FBXO17: variants seen among roughly 807,000 people sequenced by gnomAD.
FBXO17 encodes F-box only protein 17.
A neutral mutation model predicts 34.1 loss-of-function variants in FBXO17; 43 were observed. The ratio of observed to expected loss-of-function variants is 1.26; its 90% CI spans 0.99 to 1.62. FBXO17 has a LOEUF of 1.62. Ranked by LOEUF, FBXO17 falls within the 40% of genes most tolerant of loss-of-function variation. The pLI is 0.00. For missense variants in FBXO17, 424 were observed against 386.7 expected (o/e 1.10, Z -0.81); for synonymous variants, 169 against 166.0 (o/e 1.02, Z -0.14).
rs1339265266 is a variant in FBXO17, at chr19:38,950,121, G to T, written c.199C>A (p.Arg67Ser). 1 of 1,561,308 alleles carries T rather than the reference G, an allele frequency of 6.4e-7. No homozygotes were observed. Among genetic ancestry groups the T allele is most frequent in the Non-Finnish European group, 8.6e-7 (1 of 1,156,772 alleles). Residue 67 changes from arginine (R) to serine (S), a missense_variant, in exon 2 of 6, where the codon CGC (arginine) becomes AGC (serine). Physicochemically the swap from Arg to Ser is moderately radical, Grantham distance 110. Transcript: ENST00000292852. ...TAGAGTGCGCGGCCCTCGGCGCTGC[G>T]GTCGCGGGCCAGCTGCAGCAGCCAC... ...TVWLLQLARD[R>S]SAEGRALYAV...
At chr19:38,965,561 C>T (rs1975309094) in intron 1 of FBXO17, among the ~76,000 whole-genome samples, 2 of 152,012 alleles carry the variant, frequency 1.3e-5, no homozygotes, top group African/African-American at 4.8e-5. Flanking sequence ...GGCTGGAGTG[C>T]AACAGAATGA....
chr19:38,944,321 G>A (rs1178204022), intron 5 of FBXO17, among the ~76,000 whole-genome samples: 1 of 151,150 alleles, frequency 6.6e-6, no homozygotes, highest in Non-Finnish European at 1.5e-5. Flanking sequence ...TGGCTGGAGT[G>A]CAGTGGGACC....
chr19:38,945,254 G>A, intron 4 of FBXO17, 150 bp from the exon 5 acceptor site: 1 of 1,050,426 alleles, frequency 9.5e-7, no homozygotes, highest in East Asian at 2.6e-5. Flanking sequence ...ACCTCTAGGG[G>A]AGGAGCCTTG....
Position 38,942,492 on chromosome 19 carries a change from G to T in FBXO17, c.*116C>A. 8.8e-7 allele frequency: 1 copy of T among 1,141,736 alleles called. No homozygotes were observed. Among genetic ancestry groups the T allele is most frequent in the Non-Finnish European group, 1.2e-6 (1 of 852,264 alleles). 70.7% of individuals were successfully genotyped at this position (1,141,736 alleles called of 1,614,324 possible). A position where few individuals can be genotyped will look rare whatever the true frequency, so the allele number is the denominator to read the frequency against. On this transcript the variant is annotated 3_prime_UTR_variant, in exon 6 of 6. Transcript: ENST00000292852. The stretch of plus-strand genomic sequence containing the variant: ...GCCCAGGCTGGTCTTGAACTCCCGA[G>T]CTCCAGTGATCCTCCCACCTCGGCC...
At chr19:38,957,082 G>C (rs561053253) in intron 1 of FBXO17, among the ~76,000 whole-genome samples, 2 of 152,180 alleles carry the variant, frequency 1.3e-5, no homozygotes, top group East Asian at 3.9e-4. Flanking sequence ...ACCAAGCTGT[G>C]CTTTTCTCCA....
chr19:38,952,751 C>T, intron 1 of FBXO17: 1 of 466,018 alleles, frequency 2.1e-6, no homozygotes, highest in South Asian at 1.5e-5. Flanking sequence ...GTGACTTTTT[C>T]CTTCCCCAAC....
At chr19:38,962,198 A>T (rs1183460322) in intron 1 of FBXO17, among the ~76,000 whole-genome samples, 5 of 151,754 alleles carry the variant, frequency 3.3e-5, no homozygotes, top group South Asian at 2.1e-4. Flanking sequence ...CTCAAAAAAA[A>T]AAAATAAAAA....
chr19:38,949,943 C>T (rs777314325), intron 2 of FBXO17, 28 bp downstream of exon 2: 1 of 1,487,910 alleles, frequency 6.7e-7, no homozygotes, highest in Non-Finnish European at 8.9e-7. Context: ...CCCCCCTCAG[C>T]CTCCTGGGCC....
In FBXO17 at chr19:38,941,446, G is replaced by C. The variant is rs975435647; in HGVS notation, c.*1162C>G. 1.4e-4 allele frequency: 21 copies of C among 152,228 alleles called. No individual in the cohort carries two copies. Among genetic ancestry groups the C allele is most frequent in the East Asian group, 1.9e-4 (1 of 5,196 alleles). 9.4% of individuals were successfully genotyped at this position (152,228 alleles called of 1,614,324 possible). ...CAGGGGTCTCACGGCCTTCAGAGCT[G>C]AGAGCCTTGAACAGAGATTTACCCA... On this transcript the variant is annotated 3_prime_UTR_variant, in exon 6 of 6. Transcript: ENST00000292852.
chr19:38,970,997 G>A (rs1051511595), intron 1 of FBXO17, among the ~76,000 whole-genome samples: 5 of 151,674 alleles, frequency 3.3e-5, no homozygotes, highest in African/African-American at 1.2e-4. Flanking sequence ...TACTTGGGAG[G>A]CTGAGGCAGG....
chr19:38,946,535 A>C lies in FBXO17; in HGVS notation c.494T>G (p.Val165Gly). 2.5e-6 allele frequency: 4 copies of C among 1,613,936 alleles called. No individual in the cohort carries two copies. The highest frequency in any genetic ancestry group is 3.4e-6 in the Non-Finnish European group (4 of 1,179,914). The change falls in exon 4 of 6, where the codon GTG (valine) becomes GGG (glycine). Residue 165 changes from valine (V) to glycine (G), a missense_variant. Transcript: ENST00000292852. ...WCSKRQLVDL[V>G]MEGVWQELLD... ...CAGCTCCTGCCACACCCCTTCCATC[A>C]CCAGGTCCACAAGCTGCCTCTTGGA... is the stretch of plus-strand genomic sequence containing the variant.
intron 1 of FBXO17, among the ~76,000 whole-genome samples, chr19:38,951,812 G>A (rs1975088291): frequency 1.1e-5 from 1 of 87,614 alleles, no homozygotes; most frequent in South Asian, 3.8e-4. Flanking sequence ...ACCACACCTG[G>A]CTAATTTTTG....
At chr19:38,951,876 A>G (rs7245863) in intron 1 of FBXO17, among the ~76,000 whole-genome samples, 115,742 of 151,880 alleles carry the variant, frequency 0.76, 45,454 homozygotes, top group East Asian at 0.97. Flanking sequence ...CTCGAACTCC[A>G]GACCTCAGGT....
chr19:38,970,414 G>A (rs2144845332), intron 1 of FBXO17, among the ~76,000 whole-genome samples: 1 of 152,078 alleles, frequency 6.6e-6, no homozygotes, highest in South Asian at 2.1e-4. Context: ...CACCATGTTG[G>A]CCAGGCTGGT....
rs758784059 is a variant in FBXO17 at position 38,942,691 on chromosome 19, C to T, written c.754G>A (p.Gly252Arg). 29 of 1,606,054 alleles carry T rather than the reference C, an allele frequency of 1.8e-5. 1 individual carries two copies. Among genetic ancestry groups the T allele is most frequent in the Middle Eastern group, 3.3e-4 (2 of 6,042 alleles). Residue 252 changes from glycine to arginine, a missense_variant, in exon 6 of 6, where the codon GGG (glycine) becomes AGG (arginine). Coordinates refer to ENST00000292852, the MANE Select transcript of FBXO17 (RefSeq NM_024907.7). ...CCCACCCAGGAACTCACGTCTCTCCCGTACTGCTCAAAAGATACGTAGCGG... is the reference window on the plus strand; with the variant it reads ...CCCACCCAGGAACTCACGTCTCTCCTGTACTGCTCAAAAGATACGTAGCGG... ...GIRYVSFEQY[G>R]RDVSSWVGHY...
chr19:38,959,475 C>T (rs1251444359), intron 1 of FBXO17, among the ~76,000 whole-genome samples: 3 of 149,298 alleles, frequency 2.0e-5, no homozygotes, highest in African/African-American at 7.4e-5. Context: ...TTAGTAGAGA[C>T]GGGATTTCAC....
intron 1 of FBXO17, among the ~76,000 whole-genome samples, chr19:38,967,124 A>G (rs1158534797): frequency 1.3e-5 from 2 of 152,238 alleles, no homozygotes; most frequent in African/African-American, 4.8e-5. Flanking sequence ...TATAGAATAT[A>G]TAAATAACTC....
intron 1 of FBXO17, among the ~76,000 whole-genome samples, chr19:38,967,937 G>A (rs1475247956): frequency 6.6e-6 from 1 of 152,116 alleles, no homozygotes; most frequent in Non-Finnish European, 1.5e-5. Context: ...TCAAACTGAC[G>A]ATACTGACAG....
chr19:38,953,105 C>T (rs887804402), intron 1 of FBXO17, among the ~76,000 whole-genome samples: 8 of 151,906 alleles, frequency 5.3e-5, no homozygotes, highest in Admixed American at 1.3e-4. Context: ...AGTTTGAGAT[C>T]AGCCTGGGCA....
Sources: gnomAD v4.1 joint callset for allele counts (sites outside exome capture counted in the v4.1 genomes callset) on GRCh38, gnomAD v4.1.1 for gene constraint, MANE v1.5 for transcripts, NCBI Gene and HGNC (gene_info 2026-07-23, HGNC 2026-07-21) for gene names.